UMOD: variants seen among roughly 807,000 people sequenced by gnomAD.
The protein encoded by UMOD is Tamm-Horsfall urinary glycoprotein.
A neutral mutation model predicts 66.0 loss-of-function variants in UMOD; 64 were observed. The observed-to-expected ratio is 0.97, with a 90% CI of 0.79 to 1.19. The LOEUF is 1.19. Among genes scored for constraint, UMOD ranks in the 50% most tolerant of loss-of-function variants. UMOD has a pLI of 0.00. For synonymous variants in UMOD, 398 were observed against 352.7 expected, an observed-to-expected ratio of 1.13 and a Z score of -1.44; for missense variants, 764 against 850.9, an observed-to-expected ratio of 0.90 and a Z score of 1.27.
intron 4 of UMOD, 127 bp downstream of exon 4, chr16:20,348,096 C>T: frequency 2.3e-6 from 2 of 865,032 alleles, no homozygotes; most frequent in Non-Finnish European, 3.9e-6. Context: ...CTTCTGTTTT[C>T]ACTCAGGTTG....
chr16:20,352,010 T>TCCC (rs11284615), intron 1 of UMOD, among the ~76,000 whole-genome samples: 15 of 87,338 alleles, frequency 1.7e-4, no homozygotes, highest in African/African-American at 5.8e-4. Flanking sequence ...AGAGAGTCCA[T>TCCC]CCCCCCCCCC....
chr16:20,335,133 C>T (rs1427875351), intron 10 of UMOD, among the ~76,000 whole-genome samples: 2 of 152,162 alleles, frequency 1.3e-5, no homozygotes, highest in African/African-American at 4.8e-5. Context: ...GCCTATTTGT[C>T]ACCTATTGAA....
Position 20,348,588 on chromosome 16 carries a change from C to G in UMOD, c.713G>C (p.Ser238Thr), listed in dbSNP as rs765012957. ...CTTGCGGCTCACGATGCCCTCGTCG[C>G]TGGACGGATGCGTGCCATTGAGCCA... ...PMWLNGTHPS[S>T]DEGIVSRKAC... Residue 238 changes from serine (S) to threonine (T), a missense_variant, in exon 3 of 11, where the codon AGC becomes ACC. Transcript: ENST00000396138. The G allele has an allele frequency of 4.4e-6, 7 of 1,593,022 alleles. No individual in the cohort carries two copies. In the African/African-American group the frequency reaches 9.4e-5, roughly 21 times the overall value.
chr16:20,352,855 T>C, upstream of UMOD: 2 of 673,126 alleles, frequency 3.0e-6, no homozygotes, highest in African/African-American at 1.9e-5. Context: ...ATGTTTGCCT[T>C]GTCCAAGCTG....
At position 20,348,782 on chromosome 16, in the gene UMOD, C is replaced by G. The variant is rs1241321557; in HGVS notation, c.519G>C (p.Pro173=). ...PEGDALVCAD[P]CQAHRTLDEY... ...CGTCCAGGGTGCGGTGCGCCTGGCA[C>G]GGATCCGCGCACACGAGCGCGTCGC... Residue 173 remains proline (P), a synonymous_variant, in exon 3 of 11, where the codon CCG becomes CCC. Transcript: ENST00000396138. The G allele has an allele frequency of 1.3e-6, 2 of 1,543,736 alleles. No homozygotes were observed. The highest frequency in any genetic ancestry group is 1.2e-5 in the South Asian group (1 of 83,964).
intron 10 of UMOD, among the ~76,000 whole-genome samples, chr16:20,334,289 C>T (rs1011504267): frequency 1.3e-4 from 20 of 152,002 alleles, no homozygotes; most frequent in African/African-American, 4.3e-4. Flanking sequence ...TAGTATTACT[C>T]AACGAATATT....
chr16:20,339,380 A>C (rs2141641240), intron 7 of UMOD, among the ~76,000 whole-genome samples: 1 of 152,336 alleles, frequency 6.6e-6, no homozygotes, highest in South Asian at 2.1e-4. Context: ...ACATTTACTT[A>C]CTAGAAGAAT....
At chr16:20,353,070 A>T (rs1965966661), upstream of UMOD, among the ~76,000 whole-genome samples, 1 of 152,198 alleles carries the variant, frequency 6.6e-6, no homozygotes, top group Admixed American at 6.5e-5. Context: ...GGGATCAAGG[A>T]GCCAGGCAGA....
chr16:20,341,160 ATGAGCAGTGCAAATCGGGACAGGTCG>A lies in UMOD; in HGVS notation c.1482_1507del (p.Leu496GlnfsTer8). 6.2e-7 allele frequency: 1 copy of A among 1,614,110 alleles called. No homozygotes were observed. The highest frequency in any genetic ancestry group is 8.5e-7 in the Non-Finnish European group (1 of 1,180,032). On this transcript the variant is annotated frameshift_variant, in exon 7 of 11. Coordinates refer to ENST00000396138, the MANE Select transcript of UMOD (RefSeq NM_003361.4). LOFTEE classifies it high-confidence loss of function. ...ACTGGGTGTGGCATAGCAGTTGGTC[ATGAGCAGTGCAAATCGGGACAGGTCG>A]CCCCCATCCAACATGGTGCCCACGT... is the stretch of plus-strand genomic sequence containing the variant.
upstream of UMOD, among the ~76,000 whole-genome samples, chr16:20,354,329 A>G (rs1479816472): frequency 6.6e-6 from 1 of 152,182 alleles, no homozygotes; most frequent in Non-Finnish European, 1.5e-5. Flanking sequence ...GCACAGCTGT[A>G]GGAATATTGA....
chr16:20,351,055 A>G (rs1238653430), intron 1 of UMOD: 2 of 406,364 alleles, frequency 4.9e-6, no homozygotes, highest in Admixed American at 3.6e-5. Context: ...CCCAATTCTC[A>G]GCACATTGCA....
At position 20,337,351 on chromosome 16, in the gene UMOD, G is replaced by C. The variant is rs200473249; in HGVS notation, c.1680C>G (p.Asp560Glu). 33 of 1,614,072 alleles carry C rather than the reference G, an allele frequency of 2.0e-5. No homozygotes were observed. Among genetic ancestry groups the C allele is most frequent in the Middle Eastern group, 1.6e-4 (1 of 6,084 alleles). ...AGACTTCACAGTGCAGGTAGACTAG[G>C]TCATAGTTTCCAGCAAACCGGAACA... The part of the protein sequence containing the change: ...VQMFRFAGNY[D>E]LVYLHCEVYL... The change falls in exon 8 of 11, where the codon GAC becomes GAG. Residue 560 changes from aspartate to glutamate, a missense_variant. Physicochemically the swap from Asp to Glu is conservative, Grantham distance 45. Coordinates refer to ENST00000396138, the MANE Select transcript of UMOD (RefSeq NM_003361.4).
chr16:20,348,654 G>T lies in UMOD; in HGVS notation c.647C>A (p.Thr216Asn), dbSNP rs1218695313. ...GTTGCAGCGCAGGACTGGCACGCAG[G>T]TCTCGGCCATGCGCGCACCGCCCTG... The part of the protein sequence containing the change: ...VGQGGARMAE[T>N]CVPVLRCNTA... The change falls in exon 3 of 11, where the codon ACC becomes AAC. Residue 216 changes from threonine to asparagine, a missense_variant. Thr to Asn is a moderately conservative substitution (Grantham distance 65, BLOSUM62 0). Coordinates refer to ENST00000396138, the MANE Select transcript of UMOD (RefSeq NM_003361.4). 3.2e-6 allele frequency: 5 copies of T among 1,564,506 alleles called. No individual in the cohort carries two copies. The highest frequency in any genetic ancestry group is 1.4e-5 in the African/African-American group (1 of 74,026).
At chr16:20,348,129 C>T (rs1027223977) in intron 4 of UMOD, 94 bp downstream of exon 4, 5 of 1,100,954 alleles carry the variant, frequency 4.5e-6, no homozygotes, top group Non-Finnish European at 6.9e-6. Context: ...CTGCGTCATA[C>T]CCATATGGCC....
intron 7 of UMOD, among the ~76,000 whole-genome samples, chr16:20,339,841 C>T (rs1965087740): frequency 6.6e-6 from 1 of 152,158 alleles, no homozygotes; most frequent in African/African-American, 2.4e-5. Flanking sequence ...TCCACAGAGC[C>T]CGACACACAG....
intron 6 of UMOD, among the ~76,000 whole-genome samples, chr16:20,341,789 G>A (rs1016752079): frequency 1.3e-5 from 2 of 152,200 alleles, no homozygotes; most frequent in Non-Finnish European, 2.9e-5. Context: ...GAGCTATGAT[G>A]AGGCCTACAA....
At chr16:20,345,457 T>C (rs1308758721) in intron 5 of UMOD, among the ~76,000 whole-genome samples, 2 of 132,544 alleles carry the variant, frequency 1.5e-5, no homozygotes, top group East Asian at 4.1e-4. Context: ...TTTCTTCCTT[T>C]CTTTCCTTCC....
intron 4 of UMOD, among the ~76,000 whole-genome samples, chr16:20,347,044 TTCTC>T (rs1354550016): frequency 6.6e-6 from 1 of 152,134 alleles, no homozygotes; most frequent in East Asian, 1.9e-4. Flanking sequence ...GAGACGGAGT[TTCTC>T]TCTTCGGCGA....
chr16:20,348,998 C>T lies in UMOD; in HGVS notation c.303G>A (p.Ser101=), dbSNP rs370600033. 1.9e-6 allele frequency: 3 copies of T among 1,578,842 alleles called. No individual in the cohort carries two copies. The South Asian group carries it at 3.5e-5, about 18-fold the overall frequency. The change falls in exon 3 of 11, where the codon TCG becomes TCA. Residue 101 remains serine, a synonymous_variant. Transcript: ENST00000396138. Reference sequence around the variant, plus strand: ...CCACGTCTGTGCAGCCGAGACCGGGCGACAGGCGGAAGCCTTCGGGGCAGA... The same window carrying T: ...CCACGTCTGTGCAGCCGAGACCGGGTGACAGGCGGAAGCCTTCGGGGCAGA... ...SCVCPEGFRL[S]PGLGCTDVDE... is the part of the protein sequence containing the mutation.
Sources: gnomAD v4.1 joint callset for allele counts (sites outside exome capture counted in the v4.1 genomes callset) on GRCh38, gnomAD v4.1.1 for gene constraint, MANE v1.5 for transcripts, NCBI Gene and HGNC (gene_info 2026-07-23, HGNC 2026-07-21) for gene names.